Variants in ATAD2 observed in about 807,000 individuals in gnomAD.
The protein encoded by ATAD2 is ATPase family AAA domain containing 2, also known as ATPase family AAA domain-containing protein 2.
In ATAD2, 62 loss-of-function variants were observed where a neutral mutation model predicts 168.9. That is an observed-to-expected ratio of 0.37 (90% CI 0.30 to 0.45). ATAD2 has a LOEUF of 0.45. Among genes scored for constraint, ATAD2 ranks in the 20% least tolerant of loss-of-function variants. The pLI is 1.00. For missense variants in ATAD2, 1,419 were observed against 1,667.8 expected (o/e 0.85, Z 2.60); for synonymous variants, 613 against 571.6 (o/e 1.07, Z -1.03).
intron 1 of ATAD2, among the ~76,000 whole-genome samples, chr8:123,382,531 A>T (rs1387955543): frequency 1.3e-5 from 2 of 152,230 alleles, no homozygotes; most frequent in Non-Finnish European, 2.9e-5. Context: ...TCTGTTTCCA[A>T]ATTATCAACT....
chr8:123,367,825 C>T (rs74331869), intron 8 of ATAD2, among the ~76,000 whole-genome samples: 2,646 of 152,228 alleles, frequency 0.017, 57 homozygotes, highest in African/African-American at 0.06. Context: ...GACCTAGGGA[C>T]ACAAATAGTA....
rs1827423865 is a variant in ATAD2 at position 123,319,948 on chromosome 8, A to T, written c.*1186T>A. 6.6e-6 allele frequency: 1 copy of T among 152,228 alleles called. No homozygotes were observed. Among genetic ancestry groups the T allele is most frequent in the African/African-American group, 2.4e-5 (1 of 41,468 alleles). 9.4% of individuals were successfully genotyped at this position (152,228 alleles called of 1,614,324 possible). ...TGCATCTAGAAGAATAATTTATAAT[A>T]AACCAACAAAAATGAGAATGTGTAT... is the stretch of plus-strand genomic sequence containing the variant. On this transcript the variant is annotated 3_prime_UTR_variant, in exon 28 of 28. Transcript: ENST00000287394.
intron 27 of ATAD2, among the ~76,000 whole-genome samples, chr8:123,322,041 G>A (rs1827484044): frequency 2.0e-5 from 3 of 147,364 alleles, no homozygotes; most frequent in Non-Finnish European, 3.0e-5. Flanking sequence ...AGGCTGGAGT[G>A]CAGTAGCTTG....
chr8:123,335,067 C>T (rs1254655066), intron 22 of ATAD2, among the ~76,000 whole-genome samples: 1 of 152,168 alleles, frequency 6.6e-6, no homozygotes, highest in African/African-American at 2.4e-5. Flanking sequence ...GCCACACCTA[C>T]AGAATCAGAA....
At chr8:123,386,968 T>A (rs562805884) in intron 1 of ATAD2, among the ~76,000 whole-genome samples, 178 of 150,008 alleles carry the variant, frequency 1.2e-3, no homozygotes, top group Non-Finnish European at 2.0e-3. Context: ...CACTAAAAAA[T>A]TTTTAAATGC....
chr8:123,351,747 TG>T (rs1216527396), intron 13 of ATAD2, among the ~76,000 whole-genome samples: 46 of 150,190 alleles, frequency 3.1e-4, no homozygotes, highest in East Asian at 9.7e-4. Context: ...TAAAAACTGA[TG>T]TTTTTTTTTT....
intron 1 of ATAD2, 82 bp downstream of exon 1, chr8:123,396,105 A>AC: frequency 7.1e-7 from 1 of 1,404,400 alleles, no homozygotes; most frequent in Non-Finnish European, 9.3e-7. Flanking sequence ...GGCGCCGCCC[A>AC]CCCCCAGGCC....
At chr8:123,341,047 G>T (rs768461216) in intron 19 of ATAD2, among the ~76,000 whole-genome samples, 20 of 151,756 alleles carry the variant, frequency 1.3e-4, no homozygotes, top group Non-Finnish European at 2.6e-4. Flanking sequence ...GATTCAAGCG[G>T]TTCTCCCACT....
rs922823353 is a variant in ATAD2 at position 123,408,509 on chromosome 8, C to T, written c.-2281-7334G>A. ...TAATGGTGGTCTCCCCTCCCGTCCC[C>T]TCCCCTCCCTTTCCTTTCCTTTTTG... On this transcript the variant is annotated intron_variant, in intron 1 of 28. Coordinates refer to the ATAD2 transcript ENST00000521903. Among the ~76,000 whole-genome samples, 5 of 151,998 alleles carry T rather than the reference C, an allele frequency of 3.3e-5. No homozygotes were observed. In the East Asian group the frequency reaches 9.7e-4, roughly 29 times the overall value.
rs58655606 is a variant in ATAD2 at position 123,377,091 on chromosome 8, C to CAAAAAAAAAAAAAAAAAAA, written c.320+3419_320+3437dup. The stretch of plus-strand genomic sequence containing the variant: ...GGGCAAAAAGAGTGAGACTCCGTCT[C>CAAAAAAAAAAAAAAAAAAA]AAAAAAAAAAAAAAAAAAAAAGAGC... On this transcript the variant is annotated intron_variant, in intron 2 of 27. Coordinates refer to ENST00000287394, the MANE Select transcript of ATAD2 (RefSeq NM_014109.4). 4.7e-3 allele frequency among the ~76,000 whole-genome samples: 129 copies of CAAAAAAAAAAAAAAAAAAA among 27,250 alleles called. 37 individuals are homozygous for CAAAAAAAAAAAAAAAAAAA. The highest frequency in any genetic ancestry group is 0.015 in the African/African-American group (86 of 5,798). The allele number at this position is 27,250 out of a possible 152,430, so 17.9% of individuals were successfully genotyped here.
At chr8:123,367,692 A>T (rs1422640119) in intron 8 of ATAD2, among the ~76,000 whole-genome samples, 1 of 152,190 alleles carries the variant, frequency 6.6e-6, no homozygotes, top group Non-Finnish European at 1.5e-5. Flanking sequence ...TAATCTTGAA[A>T]AGCCCTGAGA....
At chr8:123,321,652 G>C (rs1365421060) in intron 27 of ATAD2, among the ~76,000 whole-genome samples, 2 of 151,820 alleles carry the variant, frequency 1.3e-5, no homozygotes, top group Non-Finnish European at 2.9e-5. Flanking sequence ...TAATAATAAG[G>C]CCAGGCATGG....
intron 8 of ATAD2, among the ~76,000 whole-genome samples, chr8:123,367,115 G>C (rs779213467): frequency 1.3e-5 from 2 of 152,152 alleles, no homozygotes; most frequent in African/African-American, 4.8e-5. Context: ...CCAGCACTTT[G>C]AATCTAACCA....
intron 13 of ATAD2, among the ~76,000 whole-genome samples, chr8:123,350,727 T>G (rs1344225566): frequency 6.6e-6 from 1 of 151,880 alleles, no homozygotes; most frequent in Non-Finnish European, 1.5e-5. Context: ...TAGAAGCTTT[T>G]TTTTTCTTTT....
chr8:123,334,515 AT>A (rs1391076462), intron 22 of ATAD2, among the ~76,000 whole-genome samples, 193 bp from the exon 23 acceptor site: 3 of 152,124 alleles, frequency 2.0e-5, no homozygotes, highest in African/African-American at 7.2e-5. Flanking sequence ...CTGATTCAAT[AT>A]GGCAAACTAA....
intron 8 of ATAD2, among the ~76,000 whole-genome samples, chr8:123,366,764 A>ATAT (rs1246629160): frequency 3.9e-5 from 6 of 152,244 alleles, no homozygotes; most frequent in Admixed American, 2.0e-4. Flanking sequence ...GAGGGATAAA[A>ATAT]GACAACAAGT....
rs551029118 is a variant in ATAD2, at chr8:123,321,061, T to C, written c.*73A>G. On this transcript the variant is annotated 3_prime_UTR_variant, in exon 28 of 28. Coordinates refer to ENST00000287394, the MANE Select transcript of ATAD2 (RefSeq NM_014109.4). Reference sequence around the variant, plus strand: ...TAAAGATGCAGGGTTTCATACTACATCAATTAGGCGGACATGACAAAAATG... The same window carrying C: ...TAAAGATGCAGGGTTTCATACTACACCAATTAGGCGGACATGACAAAAATG... 619 of 1,315,942 alleles carry C rather than the reference T, an allele frequency of 4.7e-4. 8 individuals are homozygous for C. The South Asian group carries it at 7.4e-3, about 16-fold the overall frequency. 81.5% of individuals were successfully genotyped at this position (1,315,942 alleles called of 1,614,324 possible). A position where few individuals can be genotyped will look rare whatever the true frequency, so the allele number is the denominator to read the frequency against.
At chr8:123,337,555 T>C in intron 21 of ATAD2, 70 bp downstream of exon 21, 1 of 1,398,222 alleles carries the variant, frequency 7.2e-7, no homozygotes, top group Non-Finnish European at 9.6e-7. Flanking sequence ...CCACATAAAC[T>C]CTTCAAATAT....
rs542149314 is a variant in ATAD2, at chr8:123,345,118, A to G, written c.2533-49T>C. ...ATTCAGTTAGAGTCAGCACGTTAAT[A>G]ATGCTAGTTCTATTAGTCTGAAACA... On this transcript the variant is annotated intron_variant, in intron 18 of 27. Transcript: ENST00000287394. The G allele has an allele frequency of 1.5e-5, 22 of 1,501,866 alleles. No homozygotes were observed. The East Asian group carries it at 4.8e-4, about 33-fold the overall frequency. 93.0% of individuals were successfully genotyped at this position (1,501,866 alleles called of 1,614,324 possible).
Sources: gnomAD v4.1 joint callset for allele counts (sites outside exome capture counted in the v4.1 genomes callset) on GRCh38, gnomAD v4.1.1 for gene constraint, MANE v1.5 for transcripts, NCBI Gene and HGNC (gene_info 2026-07-23, HGNC 2026-07-21) for gene names.